The following MYO9A variants were observed in gnomAD, a reference collection of about 807,000 sequenced individuals.
MYO9A encodes the protein myosin IXA.
In MYO9A, 103 loss-of-function variants were observed where a neutral mutation model predicts 293.3. That is an observed-to-expected ratio of 0.35 (90% CI 0.30 to 0.41). The LOEUF is 0.41. MYO9A is among the 10% of genes least tolerant of loss of function. The pLI is 1.00. For synonymous variants in MYO9A, 1,001 were observed against 1,035.7 expected (o/e 0.97, Z 0.64); for missense variants, 2,685 against 3,033.0 (o/e 0.89, Z 2.69).
At chr15:72,055,495 T>C (rs1318810840) in intron 1 of MYO9A, among the ~76,000 whole-genome samples, 1 of 152,010 alleles carries the variant, frequency 6.6e-6, no homozygotes, top group Non-Finnish European at 1.5e-5. Context: ...TAAAGAGCCT[T>C]TGCACAGAAA....
At chr15:71,913,006 C>T (rs867544486) in intron 19 of MYO9A, among the ~76,000 whole-genome samples, 1 of 150,550 alleles carries the variant, frequency 6.6e-6, no homozygotes, top group African/African-American at 2.4e-5. Flanking sequence ...CTTTGATCTC[C>T]GTAGTTTTTT....
At chr15:72,015,315 A>G (rs1259616759) in intron 6 of MYO9A, among the ~76,000 whole-genome samples, 3 of 152,168 alleles carry the variant, frequency 2.0e-5, no homozygotes, top group Non-Finnish European at 4.4e-5. Context: ...GAATCTTTAT[A>G]CTGCAAAAAT....
chr15:72,046,569 A>G lies in MYO9A; in HGVS notation c.-6T>C, dbSNP rs757303478. ...CCTCCATCATTTATATTCATATTGG[A>G]TCCTGTCCCATCAGCATGGATAGTA... On this transcript the variant is annotated 5_prime_UTR_variant, in exon 2 of 42. Coordinates refer to ENST00000356056, the MANE Select transcript of MYO9A (RefSeq NM_006901.4). 1 of 1,575,758 alleles carries G rather than the reference A, an allele frequency of 6.3e-7. No homozygotes were observed. Among genetic ancestry groups the G allele is most frequent in the Non-Finnish European group, 8.6e-7 (1 of 1,161,194 alleles).
chr15:72,084,309 A>C (rs1385516586), intron 1 of MYO9A, among the ~76,000 whole-genome samples: 1 of 151,334 alleles, frequency 6.6e-6, no homozygotes, highest in Non-Finnish European at 1.5e-5. Flanking sequence ...TTGGATTGCA[A>C]CCCTTGCTTT....
intron 34 of MYO9A, among the ~76,000 whole-genome samples, chr15:71,855,490 T>G (rs7496582): frequency 0.45 from 69,093 of 152,124 alleles, 20,741 homozygotes; most frequent in African/African-American, 0.85. Flanking sequence ...GACTGCAACA[T>G]AACAGCTTAC....
chr15:71,957,642 C>T (rs2059234866), intron 14 of MYO9A, among the ~76,000 whole-genome samples: 1 of 151,982 alleles, frequency 6.6e-6, no homozygotes, highest in South Asian at 2.1e-4. Flanking sequence ...GCTTCTCCCA[C>T]TTACATAAAC....
intron 1 of MYO9A, among the ~76,000 whole-genome samples, chr15:72,050,543 C>T (rs921718135): frequency 2.6e-5 from 4 of 152,064 alleles, no homozygotes; most frequent in African/African-American, 9.7e-5. Flanking sequence ...GGAGGCAGAG[C>T]TTGCAGTGAG....
intron 1 of MYO9A, among the ~76,000 whole-genome samples, chr15:72,101,882 GA>G (rs1430194607): frequency 5.9e-5 from 9 of 151,776 alleles, no homozygotes; most frequent in African/African-American, 2.2e-4. Flanking sequence ...GTCAGCCCCC[GA>G]CCGGCCAGCG....
chr15:71,966,172 C>T (rs1362511970), intron 13 of MYO9A, among the ~76,000 whole-genome samples: 1 of 151,960 alleles, frequency 6.6e-6, no homozygotes, highest in Non-Finnish European at 1.5e-5. Context: ...CCACCATGCC[C>T]AGCCTGTCCA....
intron 1 of MYO9A, among the ~76,000 whole-genome samples, chr15:72,101,612 C>A (rs1454913389): frequency 1.5e-4 from 18 of 121,544 alleles, no homozygotes; most frequent in South Asian, 2.8e-4. Context: ...CCCCTCTGCC[C>A]GGCCAGCCGC....
intron 18 of MYO9A, among the ~76,000 whole-genome samples, chr15:71,918,581 T>A (rs979306768): frequency 2.0e-5 from 3 of 152,202 alleles, no homozygotes; most frequent in African/African-American, 7.2e-5. Context: ...TATTGGCACT[T>A]TTGAATTATC....
intron 2 of MYO9A, among the ~76,000 whole-genome samples, chr15:72,040,463 T>C (rs1225011889): frequency 3.3e-5 from 5 of 152,168 alleles, no homozygotes; most frequent in East Asian, 1.9e-4. Flanking sequence ...ATCAAATTAG[T>C]GAGGTGAACA....
chr15:71,865,364 T>C (rs1052535392), intron 32 of MYO9A, among the ~76,000 whole-genome samples: 1 of 152,342 alleles, frequency 6.6e-6, no homozygotes, highest in African/African-American at 2.4e-5. Context: ...TCATGAATTT[T>C]CATAGCAGCA....
chr15:72,053,498 T>C (rs778755147), intron 1 of MYO9A, among the ~76,000 whole-genome samples: 1 of 152,294 alleles, frequency 6.6e-6, no homozygotes, highest in African/African-American at 2.4e-5. Flanking sequence ...AATGAGATAA[T>C]GTCCTTTATA....
intron 8 of MYO9A, among the ~76,000 whole-genome samples, chr15:72,003,633 A>C (rs1286300715): frequency 6.6e-6 from 1 of 150,774 alleles, no homozygotes; most frequent in East Asian, 2.0e-4. Context: ...GAACCCAGGA[A>C]GCGGAGCTTG....
intron 39 of MYO9A, among the ~76,000 whole-genome samples, chr15:71,837,477 T>A (rs1448273721): frequency 1.3e-5 from 2 of 152,096 alleles, no homozygotes; most frequent in Non-Finnish European, 2.9e-5. Context: ...ATAAATAATA[T>A]GATTTAAAAG....
intron 5 of MYO9A, 26 bp from the exon 6 acceptor site, chr15:72,019,121 T>C (rs1239583594): frequency 1.3e-6 from 2 of 1,580,718 alleles, no homozygotes; most frequent in Non-Finnish European, 1.7e-6. Context: ...ATTAGTTAGG[T>C]AGAAGTAATG....
intron 1 of MYO9A, among the ~76,000 whole-genome samples, chr15:72,103,604 GCAGAAGAAGCAA>G (rs925170789): frequency 4.0e-5 from 6 of 150,472 alleles, no homozygotes; most frequent in African/African-American, 7.3e-5. Context: ...AGCAGTGGAA[GCAGAAGAAGCAA>G]CAGAAGAAGC....
intron 2 of MYO9A, among the ~76,000 whole-genome samples, chr15:72,038,742 A>G (rs1331942173): frequency 6.6e-6 from 1 of 152,200 alleles, no homozygotes; most frequent in Non-Finnish European, 1.5e-5. Context: ...TGTACAATCA[A>G]CCAGATCAGC....
Sources: allele counts gnomAD v4.1 joint callset (sites outside exome capture counted in the v4.1 genomes callset), GRCh38; gene constraint gnomAD v4.1.1; transcripts MANE v1.5; gene names NCBI Gene and HGNC (gene_info 2026-07-23, HGNC 2026-07-21).